Variants in GPATCH2 observed in about 807,000 individuals in gnomAD.
The protein encoded by GPATCH2 is G-patch domain containing 2.
A neutral mutation model predicts 58.0 loss-of-function variants in GPATCH2; 51 were observed. That is an observed-to-expected ratio of 0.88 (90% CI 0.70 to 1.11). The LOEUF is 1.11. GPATCH2 is among the 50% of genes most tolerant of loss of function. GPATCH2 has a pLI of 0.00. For synonymous variants in GPATCH2, 222 were observed against 218.5 expected, an observed-to-expected ratio of 1.02 and a Z score of -0.14; for missense variants, 625 against 652.2, an observed-to-expected ratio of 0.96 and a Z score of 0.45.
At chr1:217,445,094 T>A (rs903720210) in intron 9 of GPATCH2, among the ~76,000 whole-genome samples, 3 of 152,122 alleles carry the variant, frequency 2.0e-5, no homozygotes, top group African/African-American at 7.2e-5. Context: ...AGAACTCACA[T>A]GTTCATGAAA....
intron 8 of GPATCH2, among the ~76,000 whole-genome samples, chr1:217,483,396 G>A (rs1474284294): frequency 4.6e-5 from 7 of 152,062 alleles, no homozygotes; most frequent in African/African-American, 7.2e-5. Flanking sequence ...TGTTGCCCAG[G>A]ATGGCCTTGA....
intron 1 of GPATCH2, among the ~76,000 whole-genome samples, chr1:217,623,797 G>A (rs1441788375): frequency 6.6e-6 from 1 of 152,094 alleles, no homozygotes; most frequent in Non-Finnish European, 1.5e-5. Flanking sequence ...AGCGACTCGG[G>A]AGGCTGAGGC....
At chr1:217,541,197 T>C (rs907929996) in intron 5 of GPATCH2, among the ~76,000 whole-genome samples, 1 of 152,152 alleles carries the variant, frequency 6.6e-6, no homozygotes, top group African/African-American at 2.4e-5. Context: ...CTAAGTTTGC[T>C]CTCTAAAGCT....
Position 217,611,552 on chromosome 1 carries a change from G to A in GPATCH2, c.836-481C>T, listed in dbSNP as rs553694140. Reference sequence around the variant, plus strand: ...CCATTTAAGTTACTACCCCTTCCACGTTAAGAAAAAACAAACCTTAATCTG... The same window carrying A: ...CCATTTAAGTTACTACCCCTTCCACATTAAGAAAAAACAAACCTTAATCTG... On this transcript the variant is annotated intron_variant, in intron 3 of 9. Coordinates refer to ENST00000366935, the MANE Select transcript of GPATCH2 (RefSeq NM_018040.5). Among the ~76,000 whole-genome samples, 16 of 152,054 alleles carry A rather than the reference G, an allele frequency of 1.1e-4. No individual in the cohort carries two copies. The South Asian group carries it at 1.2e-3, about 12-fold the overall frequency.
At chr1:217,498,898 CCA>C (rs1454682996) in intron 6 of GPATCH2, 1 of 174,636 alleles carries the variant, frequency 5.7e-6, no homozygotes, top group African/African-American at 2.4e-5. Context: ...CCTATTCCCT[CCA>C]CAGTTATAAC....
At chr1:217,503,493 G>T (rs1194397481) in intron 6 of GPATCH2, among the ~76,000 whole-genome samples, 1 of 152,106 alleles carries the variant, frequency 6.6e-6, no homozygotes, top group Non-Finnish European at 1.5e-5. Context: ...AAAAGCATAG[G>T]TGTTATGAAT....
intron 6 of GPATCH2, among the ~76,000 whole-genome samples, chr1:217,506,725 C>T (rs1662582803): frequency 6.6e-6 from 1 of 152,204 alleles, no homozygotes; most frequent in South Asian, 2.1e-4. Flanking sequence ...CTTGCCGAAC[C>T]TTCTCTGGTC....
chr1:217,454,821 C>T (rs1389041708), intron 8 of GPATCH2, among the ~76,000 whole-genome samples: 6 of 151,046 alleles, frequency 4.0e-5, no homozygotes, highest in Non-Finnish European at 8.9e-5. Context: ...TTACTAGAGA[C>T]GGGGGTTTCA....
intron 6 of GPATCH2, among the ~76,000 whole-genome samples, chr1:217,507,401 T>A (rs1662616080): frequency 6.6e-6 from 1 of 152,236 alleles, no homozygotes; most frequent in South Asian, 2.1e-4. Context: ...ATTAAACTGC[T>A]AATGTAAATT....
At chr1:217,524,286 CACTT>C (rs1380674273) in intron 5 of GPATCH2, among the ~76,000 whole-genome samples, 1 of 151,400 alleles carries the variant, frequency 6.6e-6, no homozygotes, top group Non-Finnish European at 1.5e-5. Flanking sequence ...AGACGCTCCT[CACTT>C]CCTAGATGGG....
At chr1:217,507,776 T>A (rs1469249468) in intron 6 of GPATCH2, among the ~76,000 whole-genome samples, 1 of 152,166 alleles carries the variant, frequency 6.6e-6, no homozygotes, top group East Asian at 1.9e-4. Flanking sequence ...AGGTTTAGCA[T>A]GTTAACCAAC....
intron 5 of GPATCH2, among the ~76,000 whole-genome samples, chr1:217,543,549 G>A (rs1017970498): frequency 7.2e-5 from 11 of 152,040 alleles, no homozygotes; most frequent in Non-Finnish European, 1.5e-4. Context: ...GATTACAGGC[G>A]TGAGCCACCA....
intron 4 of GPATCH2, among the ~76,000 whole-genome samples, 185 bp from the exon 5 acceptor site, chr1:217,610,585 G>C (rs1402411119): frequency 1.3e-5 from 2 of 152,126 alleles, no homozygotes; most frequent in African/African-American, 4.8e-5. Context: ...AAAGTACTAA[G>C]GCAGTCAGCA....
intron 5 of GPATCH2, among the ~76,000 whole-genome samples, chr1:217,519,562 CT>C (rs1386148629): frequency 6.6e-6 from 1 of 152,188 alleles, no homozygotes. Flanking sequence ...TATCTCCCCC[CT>C]GCTCCAATCC....
chr1:217,619,360 G>A (rs1009502493), intron 2 of GPATCH2, among the ~76,000 whole-genome samples: 8 of 152,112 alleles, frequency 5.3e-5, no homozygotes, highest in African/African-American at 1.9e-4. Context: ...CAGACATGTC[G>A]AAGTGGTATA....
At chr1:217,520,116 A>G (rs1216913365) in intron 5 of GPATCH2, among the ~76,000 whole-genome samples, 1 of 152,200 alleles carries the variant, frequency 6.6e-6, no homozygotes, top group Non-Finnish European at 1.5e-5. Flanking sequence ...ATCACTGGCT[A>G]CAAGAAATGA....
chr1:217,622,957 G>A (rs12124165), intron 1 of GPATCH2, among the ~76,000 whole-genome samples: 27,943 of 152,194 alleles, frequency 0.18, 2,899 homozygotes, highest in Middle Eastern at 0.25. Flanking sequence ...GATAAGCCAA[G>A]TGAATCTTTT....
At chr1:217,519,558 C>T (rs180812003) in intron 5 of GPATCH2, among the ~76,000 whole-genome samples, 70 of 152,230 alleles carry the variant, frequency 4.6e-4, no homozygotes, top group African/African-American at 1.7e-3. Flanking sequence ...GCATTATCTC[C>T]CCCCTGCTCC....
chr1:217,488,471 GT>G (rs896240706), intron 8 of GPATCH2, among the ~76,000 whole-genome samples: 11 of 151,694 alleles, frequency 7.3e-5, no homozygotes, highest in African/African-American at 1.2e-4. Context: ...ACTTGGTAAA[GT>G]TTTTTTTCCT....
Sources: allele counts gnomAD v4.1 joint callset (sites outside exome capture counted in the v4.1 genomes callset), GRCh38; gene constraint gnomAD v4.1.1; transcripts MANE v1.5; gene names NCBI Gene and HGNC (gene_info 2026-07-23, HGNC 2026-07-21).